TMEM108: variants seen among roughly 807,000 people sequenced by gnomAD.
The protein encoded by TMEM108 is cancer/testis antigen 124.
Under a neutral mutation model 35.1 loss-of-function variants are expected in TMEM108, and 12 were observed. That is an observed-to-expected ratio of 0.34 (90% CI 0.22 to 0.55). TMEM108 has a LOEUF of 0.55. Ranked by LOEUF, TMEM108 falls within the 20% of genes least tolerant of loss-of-function variation. TMEM108 has a pLI of 0.89. For synonymous variants in TMEM108, 287 were observed against 308.6 expected (o/e 0.93, Z 0.73); for missense variants, 680 against 753.3 (o/e 0.90, Z 1.14).
chr3:133,083,186 C>T (rs568840921), intron 2 of TMEM108, among the ~76,000 whole-genome samples: 4 of 142,194 alleles, frequency 2.8e-5, no homozygotes, highest in Admixed American at 7.0e-5. Flanking sequence ...CCCCACCCCC[C>T]GCCGCCCCAC....
chr3:133,066,051 G>A (rs1278871153), intron 2 of TMEM108, among the ~76,000 whole-genome samples: 1 of 152,106 alleles, frequency 6.6e-6, no homozygotes, highest in East Asian at 1.9e-4. Context: ...TTCTTCACAT[G>A]TACTTATATT....
At chr3:133,321,202 C>G (rs2071263379) in intron 3 of TMEM108, among the ~76,000 whole-genome samples, 1 of 149,282 alleles carries the variant, frequency 6.7e-6, no homozygotes, top group African/African-American at 2.6e-5. Context: ...TTAAATGTTC[C>G]ACTTAAAAGA....
At chr3:133,127,473 A>C (rs1404912293) in intron 2 of TMEM108, among the ~76,000 whole-genome samples, 1 of 141,166 alleles carries the variant, frequency 7.1e-6, no homozygotes, top group African/African-American at 2.5e-5. Flanking sequence ...AACCACAGAC[A>C]AAGAGTTGAT....
In TMEM108 at chr3:133,180,185, T is replaced by A. The variant is rs148147552; in HGVS notation, c.-46-49081T>A. 1.5e-4 allele frequency among the ~76,000 whole-genome samples: 23 copies of A among 152,258 alleles called. No individual in the cohort carries two copies. In the East Asian group the frequency reaches 4.4e-3, roughly 29 times the overall value. On this transcript the variant is annotated intron_variant, in intron 2 of 5. Transcript: ENST00000321871. ...AATTCTAGCTTCATTCTATCTAATG[T>A]GGGGGAGAGGGACTAGAAAATAAAT...
chr3:133,060,394 G>T (rs1943522124), intron 2 of TMEM108, among the ~76,000 whole-genome samples: 1 of 152,184 alleles, frequency 6.6e-6, no homozygotes, highest in Non-Finnish European at 1.5e-5. Context: ...CCCCTGCCCT[G>T]GGCTTATCCC....
At chr3:133,121,109 A>G (rs1944347259) in intron 2 of TMEM108, among the ~76,000 whole-genome samples, 1 of 152,210 alleles carries the variant, frequency 6.6e-6, no homozygotes, top group Admixed American at 6.5e-5. Flanking sequence ...AGGACTGTAC[A>G]GCACTTGAAC....
chr3:133,187,173 T>C (rs1035206771), intron 2 of TMEM108, among the ~76,000 whole-genome samples: 3 of 152,244 alleles, frequency 2.0e-5, no homozygotes, highest in African/African-American at 4.8e-5. Flanking sequence ...TAAAATAATA[T>C]GATTCACATA....
At position 133,276,105 on chromosome 3, in the gene TMEM108, A is replaced by G. The variant is rs143960381; in HGVS notation, c.40+46754A>G. Among the ~76,000 whole-genome samples the G allele has an allele frequency of 3.9e-5, 6 of 152,348 alleles. No homozygotes were observed. The East Asian group carries it at 1.2e-3, about 29-fold the overall frequency. The stretch of plus-strand genomic sequence containing the variant: ...TGGAGACTTAGGATTGCTAGATTAA[A>G]TATAGGATGCCCAGGTAAATTTGAA... On this transcript the variant is annotated intron_variant, in intron 3 of 5. Transcript: ENST00000321871.
At chr3:133,043,101 A>T (rs945035232) in intron 1 of TMEM108, among the ~76,000 whole-genome samples, 1 of 152,216 alleles carries the variant, frequency 6.6e-6, no homozygotes, top group African/African-American at 2.4e-5. Context: ...CTGTAAGAAA[A>T]AACTTTCATC....
At chr3:133,209,965 T>G (rs1043233619) in intron 2 of TMEM108, among the ~76,000 whole-genome samples, 1 of 152,148 alleles carries the variant, frequency 6.6e-6, no homozygotes, top group Non-Finnish European at 1.5e-5. Context: ...GAGAGGCTTA[T>G]CAGAGTTAGA....
At chr3:133,057,421 T>TG (rs1943478391) in intron 2 of TMEM108, among the ~76,000 whole-genome samples, 2 of 105,458 alleles carry the variant, frequency 1.9e-5, no homozygotes, top group Non-Finnish European at 3.8e-5. Flanking sequence ...GGGCTATTAG[T>TG]TGTGTGTGTG....
rs2073316947 is a variant in TMEM108 at position 133,397,133 on chromosome 3, ACGGC to A, written c.*1149_*1152del. The A allele has an allele frequency of 6.6e-6, 1 of 152,054 alleles. No individual in the cohort carries two copies. Among genetic ancestry groups the A allele is most frequent in the Non-Finnish European group, 1.5e-5 (1 of 68,020 alleles). The allele number at this position is 152,054 out of a possible 1,614,324, so 9.4% of individuals were successfully genotyped here. ...GCTGCCTCCCCGTGCTGTGTCCAGC[ACGGC>A]CAACAACGTCAGACCCTCAGAGACG... On this transcript the variant is annotated 3_prime_UTR_variant, in exon 6 of 6. Coordinates refer to ENST00000321871, the MANE Select transcript of TMEM108 (RefSeq NM_023943.4).
chr3:133,318,733 G>T (rs7628868), intron 3 of TMEM108, among the ~76,000 whole-genome samples: 1 of 152,146 alleles, frequency 6.6e-6, no homozygotes, highest in East Asian at 1.9e-4. Flanking sequence ...TTACTTAAGA[G>T]GGGGAGTTCT....
intron 2 of TMEM108, among the ~76,000 whole-genome samples, chr3:133,082,017 C>T (rs1016278509): frequency 3.9e-5 from 6 of 152,202 alleles, no homozygotes; most frequent in African/African-American, 1.4e-4. Flanking sequence ...CCTAAAGACA[C>T]CCACAGCTAG....
intron 2 of TMEM108, among the ~76,000 whole-genome samples, chr3:133,227,318 C>T (rs1282448636): frequency 6.7e-6 from 1 of 149,996 alleles, no homozygotes; most frequent in Non-Finnish European, 1.5e-5. Flanking sequence ...CTCAGCCTCC[C>T]AAGTAGCTGG....
chr3:133,140,402 G>A (rs562598846), intron 2 of TMEM108, among the ~76,000 whole-genome samples: 145 of 152,212 alleles, frequency 9.5e-4, no homozygotes, highest in Non-Finnish European at 1.9e-3. Flanking sequence ...ATTCCTTGAT[G>A]ATCTGTTGGT....
intron 5 of TMEM108, among the ~76,000 whole-genome samples, chr3:133,394,445 T>C (rs1559951093): frequency 6.6e-6 from 1 of 152,248 alleles, no homozygotes; most frequent in Non-Finnish European, 1.5e-5. Context: ...TGTTTTCTCT[T>C]CTTCCTTCTT....
intron 2 of TMEM108, among the ~76,000 whole-genome samples, chr3:133,181,323 C>G (rs1180432422): frequency 6.6e-6 from 1 of 152,124 alleles, no homozygotes; most frequent in African/African-American, 2.4e-5. Context: ...TTATCTTCAT[C>G]ATAGGAAAAG....
intron 3 of TMEM108, among the ~76,000 whole-genome samples, chr3:133,293,474 T>C (rs1168119653): frequency 6.6e-6 from 1 of 151,660 alleles, no homozygotes. Flanking sequence ...GTTTGGACAC[T>C]GTCCAGTATT....
Sources: allele counts gnomAD v4.1 joint callset (sites outside exome capture counted in the v4.1 genomes callset), GRCh38; gene constraint gnomAD v4.1.1; transcripts MANE v1.5; gene names NCBI Gene and HGNC (gene_info 2026-07-23, HGNC 2026-07-21).